The following PITPNC1 variants were observed in gnomAD, a reference collection of about 807,000 sequenced individuals.
The protein encoded by PITPNC1 is cytoplasmic phosphatidylinositol transfer protein 1.
Under a neutral mutation model 44.7 loss-of-function variants are expected in PITPNC1, and 18 were observed. That is an observed-to-expected ratio of 0.40 (90% CI 0.28 to 0.60). The LOEUF (loss-of-function observed/expected upper bound fraction) is 0.60. PITPNC1 is among the 20% of genes least tolerant of loss of function. The pLI is 0.39. For missense variants in PITPNC1, 290 were observed against 418.4 expected (o/e 0.69, Z 2.68); for synonymous variants, 141 against 149.6 (o/e 0.94, Z 0.42).
rs545451922 is a variant in PITPNC1, at chr17:67,690,321, G to A, written c.683-2251G>A. 1.3e-4 allele frequency among the ~76,000 whole-genome samples: 20 copies of A among 151,972 alleles called. 1 individual carries two copies. The East Asian group carries it at 3.7e-3, about 28-fold the overall frequency. ...AAATTAGCCGGGCGTGGTGGCAGAC[G>A]CCTGTAATCCCAGCTACTCGGGAGG... is the stretch of plus-strand genomic sequence containing the variant. On this transcript the variant is annotated intron_variant, in intron 8 of 8. Transcript: ENST00000581322.
At chr17:67,547,976 C>T (rs986833994) in intron 2 of PITPNC1, among the ~76,000 whole-genome samples, 1 of 152,156 alleles carries the variant, frequency 6.6e-6, no homozygotes, top group Non-Finnish European at 1.5e-5. Context: ...GGCGGCTATC[C>T]TGTGCATCAT....
chr17:67,627,112 G>A (rs1309666332), intron 5 of PITPNC1, among the ~76,000 whole-genome samples: 1 of 152,090 alleles, frequency 6.6e-6, no homozygotes, highest in Non-Finnish European at 1.5e-5. Flanking sequence ...AATTAGCCGG[G>A]CGTGGTGACA....
At chr17:67,670,593 CAA>C (rs1313876295) in intron 7 of PITPNC1, among the ~76,000 whole-genome samples, 2 of 151,186 alleles carry the variant, frequency 1.3e-5, no homozygotes, top group Non-Finnish European at 3.0e-5. Context: ...GCTAAAAATA[CAA>C]AAAAATTAGC....
intron 1 of PITPNC1, among the ~76,000 whole-genome samples, chr17:67,420,960 C>A (rs1415046274): frequency 1.3e-5 from 2 of 152,140 alleles, no homozygotes; most frequent in Non-Finnish European, 2.9e-5. Context: ...ATTTCACCAG[C>A]CATGAATGAT....
At chr17:67,546,228 T>C (rs963891684) in intron 2 of PITPNC1, among the ~76,000 whole-genome samples, 2 of 151,706 alleles carry the variant, frequency 1.3e-5, no homozygotes, top group Admixed American at 1.3e-4. Context: ...TCGTCTAGAA[T>C]ATATACTTTT....
intron 1 of PITPNC1, among the ~76,000 whole-genome samples, chr17:67,465,031 A>T (rs373769767): frequency 2.0e-5 from 3 of 152,242 alleles, no homozygotes; most frequent in East Asian, 3.9e-4. Flanking sequence ...GAGCCACCAC[A>T]CCCGGCCACA....
intron 3 of PITPNC1, among the ~76,000 whole-genome samples, chr17:67,552,821 AAAAGCTTAT>A (rs2040785987): frequency 6.6e-6 from 1 of 151,976 alleles, no homozygotes; most frequent in African/African-American, 2.4e-5. Context: ...AAAAAAAAAA[AAAAGCTTAT>A]GGAGAAGGAA....
In PITPNC1 at chr17:67,550,435, CA is replaced by C. The variant is rs574421984; in HGVS notation, c.198-1820del. On this transcript the variant is annotated intron_variant, in intron 2 of 8. Transcript: ENST00000581322. Reference sequence around the variant, plus strand: ...TGGTTACTGTCAGAAATAAGAGAAACAACTGGAAAAGACAGGCAAGGTACGC... The same window carrying C: ...TGGTTACTGTCAGAAATAAGAGAAACACTGGAAAAGACAGGCAAGGTACGC... 3.8e-4 allele frequency among the ~76,000 whole-genome samples: 49 copies of C among 128,558 alleles called. 1 individual carries two copies. Among genetic ancestry groups the C allele is most frequent in the Non-Finnish European group, 7.9e-4 (42 of 52,906 alleles). The allele number at this position is 128,558 out of a possible 152,430, so 84.3% of individuals were successfully genotyped here.
chr17:67,689,309 G>T (rs2042879168), intron 8 of PITPNC1, among the ~76,000 whole-genome samples: 1 of 152,018 alleles, frequency 6.6e-6, no homozygotes, highest in African/African-American at 2.4e-5. Flanking sequence ...TCTTCCCATG[G>T]AAAAGCCCAC....
intron 1 of PITPNC1, among the ~76,000 whole-genome samples, chr17:67,521,979 C>T (rs1388334944): frequency 2.0e-5 from 3 of 152,132 alleles, no homozygotes; most frequent in South Asian, 4.2e-4. Flanking sequence ...GGAGCATCAC[C>T]GACAGGAATC....
intron 5 of PITPNC1, among the ~76,000 whole-genome samples, chr17:67,622,422 A>G (rs1045627919): frequency 3.0e-4 from 45 of 150,902 alleles, no homozygotes; most frequent in African/African-American, 1.0e-3. Context: ...GTATATATTT[A>G]TGAAACAGTC....
At chr17:67,448,933 AT>A (rs1403540213) in intron 1 of PITPNC1, among the ~76,000 whole-genome samples, 2 of 152,048 alleles carry the variant, frequency 1.3e-5, no homozygotes, top group African/African-American at 4.8e-5. Flanking sequence ...TGCCTGGCTA[AT>A]TTTTGTATTT....
intron 1 of PITPNC1, among the ~76,000 whole-genome samples, chr17:67,490,729 A>C (rs2916136): frequency 0.13 from 19,632 of 152,218 alleles, 1,423 homozygotes; most frequent in Middle Eastern, 0.2. Flanking sequence ...CCCAGGGAGA[A>C]ATGAGTTGGG....
intron 5 of PITPNC1, among the ~76,000 whole-genome samples, chr17:67,589,210 G>A (rs1194739775): frequency 6.6e-6 from 1 of 152,220 alleles, no homozygotes; most frequent in East Asian, 1.9e-4. Flanking sequence ...TGATCTGAGA[G>A]CTGCATGTAA....
chr17:67,401,664 T>C (rs979742956), intron 1 of PITPNC1, among the ~76,000 whole-genome samples: 2 of 151,918 alleles, frequency 1.3e-5, no homozygotes, highest in African/African-American at 4.8e-5. Context: ...GCCAAGATGG[T>C]GAAACCCCAT....
intron 8 of PITPNC1, among the ~76,000 whole-genome samples, chr17:67,679,807 C>T (rs950898700): frequency 1.3e-5 from 2 of 152,106 alleles, no homozygotes; most frequent in Non-Finnish European, 2.9e-5. Flanking sequence ...ATAACAACAA[C>T]GTATTTCAGG....
chr17:67,685,766 T>C (rs1598995992), intron 8 of PITPNC1, among the ~76,000 whole-genome samples: 1 of 152,152 alleles, frequency 6.6e-6, no homozygotes, highest in African/African-American at 2.4e-5. Flanking sequence ...GTGAGACTAA[T>C]TGTTATTTAT....
chr17:67,550,279 A>G (rs2040742147), intron 2 of PITPNC1, among the ~76,000 whole-genome samples: 1 of 152,122 alleles, frequency 6.6e-6, no homozygotes, highest in African/African-American at 2.4e-5. Flanking sequence ...AGGGGCCTTC[A>G]TCTGACACTC....
At chr17:67,494,175 CTTTCTTTCTT>C (rs779586478) in intron 1 of PITPNC1, among the ~76,000 whole-genome samples, 870 of 67,002 alleles carry the variant, frequency 0.013, 21 homozygotes, top group Middle Eastern at 0.052. Flanking sequence ...TTCTTTCTTT[CTTTCTTTCTT>C]TTTCTTTCTT....
Sources: allele counts gnomAD v4.1 joint callset (sites outside exome capture counted in the v4.1 genomes callset), GRCh38; gene constraint gnomAD v4.1.1; transcripts MANE v1.5; gene names NCBI Gene and HGNC (gene_info 2026-07-23, HGNC 2026-07-21).